CDH12: variants seen among roughly 807,000 people sequenced by gnomAD.
CDH12 encodes the protein cadherin-12.
A neutral mutation model predicts 74.1 loss-of-function variants in CDH12; 41 were observed. The observed-to-expected ratio is 0.55, with a 90% CI of 0.43 to 0.72. CDH12 has a LOEUF of 0.72. Ranked by LOEUF, CDH12 falls within the 30% of genes least tolerant of loss-of-function variation. The probability of loss-of-function intolerance (pLI) is 0.00; values close to 1 mark genes in which losing one functional copy is unlikely to be tolerated. For synonymous variants in CDH12, 399 were observed against 355.0 expected (o/e 1.12, Z -1.39); for missense variants, 945 against 977.2 (o/e 0.97, Z 0.44).
chr5:21,813,195 G>C (rs1256557079), intron 9 of CDH12, among the ~76,000 whole-genome samples: 1 of 152,000 alleles, frequency 6.6e-6, no homozygotes, highest in Admixed American at 6.6e-5. Flanking sequence ...AGGGTAAGGC[G>C]AGGCCAGGTG....
intron 4 of CDH12, among the ~76,000 whole-genome samples, chr5:22,161,340 A>G (rs1748334097): frequency 6.6e-6 from 1 of 152,196 alleles, no homozygotes; most frequent in African/African-American, 2.4e-5. Context: ...AACTCTGGAC[A>G]TTTAAAATAC....
intron 1 of CDH12, among the ~76,000 whole-genome samples, chr5:22,838,959 G>A (rs1209536636): frequency 1.3e-5 from 2 of 152,040 alleles, no homozygotes; most frequent in African/African-American, 4.8e-5. Flanking sequence ...TGATAGGCAT[G>A]AGCCACTGTG....
intron 5 of CDH12, among the ~76,000 whole-genome samples, chr5:21,977,018 C>T (rs922827005): frequency 6.6e-6 from 1 of 151,902 alleles, no homozygotes; most frequent in African/African-American, 2.4e-5. Flanking sequence ...TATCATTGTT[C>T]ATATTAATGT....
At chr5:21,991,089 C>T (rs1343234315) in intron 5 of CDH12, among the ~76,000 whole-genome samples, 1 of 151,588 alleles carries the variant, frequency 6.6e-6, no homozygotes, top group Non-Finnish European at 1.5e-5. Flanking sequence ...ACCCTGAATG[C>T]ATTAATAACA....
chr5:22,171,192 T>G (rs1749009865), intron 4 of CDH12, among the ~76,000 whole-genome samples: 1 of 151,878 alleles, frequency 6.6e-6, no homozygotes, highest in Non-Finnish European at 1.5e-5. Context: ...GTCATTCAGA[T>G]TTATCATGCA....
At chr5:22,761,838 G>A (rs903367879) in intron 1 of CDH12, among the ~76,000 whole-genome samples, 5 of 151,902 alleles carry the variant, frequency 3.3e-5, no homozygotes, top group African/African-American at 7.3e-5. Context: ...GCATAAAACC[G>A]TTAAAATACA....
chr5:22,072,498 C>T (rs911244389), intron 5 of CDH12, among the ~76,000 whole-genome samples: 2 of 151,442 alleles, frequency 1.3e-5, no homozygotes, highest in Non-Finnish European at 2.9e-5. Context: ...GAGTCATAGA[C>T]ATTTCCCAAC....
intron 5 of CDH12, among the ~76,000 whole-genome samples, chr5:22,037,117 G>A (rs970026561): frequency 2.6e-5 from 4 of 152,182 alleles, no homozygotes; most frequent in Non-Finnish European, 5.9e-5. Flanking sequence ...GCGGCAAGCC[G>A]TAAAGCTTGA....
intron 10 of CDH12, among the ~76,000 whole-genome samples, chr5:21,801,237 G>A (rs1579726716): frequency 6.6e-6 from 1 of 152,176 alleles, no homozygotes; most frequent in Non-Finnish European, 1.5e-5. Context: ...GTCACATAGT[G>A]TAAAATCTTA....
chr5:22,340,322 T>C (rs1181010932), intron 3 of CDH12, among the ~76,000 whole-genome samples: 1 of 152,004 alleles, frequency 6.6e-6, no homozygotes, highest in Non-Finnish European at 1.5e-5. Context: ...GTCAGGAGAT[T>C]GAGACCATCC....
intron 2 of CDH12, among the ~76,000 whole-genome samples, chr5:22,423,629 C>G (rs986894861): frequency 6.6e-6 from 1 of 151,404 alleles, no homozygotes; most frequent in Non-Finnish European, 1.5e-5. Flanking sequence ...ATTCAAAAAG[C>G]CAAGTGAAAT....
At chr5:21,782,620 A>G (rs915997099) in intron 11 of CDH12, among the ~76,000 whole-genome samples, 31 of 152,336 alleles carry the variant, frequency 2.0e-4, no homozygotes, top group Admixed American at 1.2e-3. Flanking sequence ...TCAAGAGACC[A>G]TAAGTAAAAG....
intron 6 of CDH12, chr5:21,884,103 G>A: frequency 2.8e-6 from 4 of 1,451,630 alleles, no homozygotes; most frequent in Non-Finnish European, 3.9e-6. Context: ...TGGTTATGAT[G>A]CTATGGTTGG....
chr5:21,976,362 A>G (rs1316004987), intron 5 of CDH12, among the ~76,000 whole-genome samples: 6 of 152,078 alleles, frequency 3.9e-5, no homozygotes, highest in Non-Finnish European at 7.4e-5. Flanking sequence ...GCCGTAAGGC[A>G]GTGTTGTTCA....
chr5:21,808,510 C>A (rs1267739193), intron 9 of CDH12, among the ~76,000 whole-genome samples: 1 of 151,624 alleles, frequency 6.6e-6, no homozygotes, highest in Non-Finnish European at 1.5e-5. Context: ...GCAAATGATC[C>A]GAGGATGTAG....
intron 4 of CDH12, among the ~76,000 whole-genome samples, chr5:22,088,600 CAG>C (rs1466349539): frequency 6.6e-6 from 1 of 152,130 alleles, no homozygotes; most frequent in Non-Finnish European, 1.5e-5. Context: ...ACATTCCTCT[CAG>C]GGGAAACAGA....
chr5:22,083,234 C>T (rs941897597), intron 4 of CDH12, among the ~76,000 whole-genome samples: 1 of 152,290 alleles, frequency 6.6e-6, no homozygotes, highest in East Asian at 1.9e-4. Context: ...ATGACATTTA[C>T]GAATTTAACA....
rs1175104419 is a variant in CDH12, at chr5:22,102,966, G to A, written c.-186-24104C>T. On this transcript the variant is annotated intron_variant, in intron 4 of 14. Transcript: ENST00000382254. ...AGGAAACACTGCATCCCAGAGTGAG[G>A]AACAGGCACGCATCTACACTGACCT... Among the ~76,000 whole-genome samples, 4 of 152,034 alleles carry A rather than the reference G, an allele frequency of 2.6e-5. No homozygotes were observed. In the East Asian group the frequency reaches 5.8e-4, roughly 22 times the overall value.
chr5:22,689,226 A>G (rs1741960389), intron 1 of CDH12, among the ~76,000 whole-genome samples: 1 of 152,204 alleles, frequency 6.6e-6, no homozygotes, highest in South Asian at 2.1e-4. Flanking sequence ...TGTTGTGGGC[A>G]CATAAGATGG....
Sources: allele counts gnomAD v4.1 joint callset (sites outside exome capture counted in the v4.1 genomes callset), GRCh38; gene constraint gnomAD v4.1.1; transcripts MANE v1.5; gene names NCBI Gene and HGNC (gene_info 2026-07-23, HGNC 2026-07-21).